Variants in RIMS3 observed in about 807,000 individuals in gnomAD.
RIMS3 encodes the protein regulating synaptic membrane exocytosis 3, also known as regulating synaptic membrane exocytosis protein 3.
Under a neutral mutation model 29.2 loss-of-function variants are expected in RIMS3, and 15 were observed. That is an observed-to-expected ratio of 0.51 (90% CI 0.34 to 0.79). RIMS3 has a LOEUF of 0.79. Ranked by LOEUF, RIMS3 falls within the 30% of genes least tolerant of loss-of-function variation. The probability of loss-of-function intolerance (pLI) is 0.01; values close to 1 mark genes in which losing one functional copy is unlikely to be tolerated. For missense variants in RIMS3, 342 were observed against 421.4 expected (o/e 0.81, Z 1.65); for synonymous variants, 161 against 170.1 (o/e 0.95, Z 0.41).
chr1:40,667,900 G>A (rs951817327), upstream of RIMS3, among the ~76,000 whole-genome samples: 1 of 152,130 alleles, frequency 6.6e-6, no homozygotes, highest in Non-Finnish European at 1.5e-5. Context: ...AGGTTGAGGC[G>A]GGCAGATCAC....
At chr1:40,671,885 CCCAA>C in the RIMS3 span, among the ~76,000 whole-genome samples, 1 of 151,712 alleles carries the variant, frequency 6.6e-6, no homozygotes, top group Non-Finnish European at 1.5e-5. Flanking sequence ...ACCTCAGTCT[CCCAA>C]GTAGCTGTGA....
the RIMS3 span, among the ~76,000 whole-genome samples, chr1:40,677,400 A>T: frequency 6.6e-6 from 1 of 151,884 alleles, no homozygotes; most frequent in Non-Finnish European, 1.5e-5. Context: ...TAAGGCTTAC[A>T]ATCAAGGATC....
the RIMS3 span, among the ~76,000 whole-genome samples, chr1:40,686,529 T>C: frequency 0.79 from 119,478 of 151,998 alleles, 47,597 homozygotes; most frequent in African/African-American, 0.9. Context: ...TGGTCGCTGG[T>C]GCCTGTAGTC....
Position 40,635,890 on chromosome 1 carries a change from G to A in RIMS3, c.359+26C>T. 6.2e-7 allele frequency: 1 copy of A among 1,608,836 alleles called. No individual in the cohort carries two copies. The highest frequency in any genetic ancestry group is 8.5e-7 in the Non-Finnish European group (1 of 1,177,670). ...ACTGGAGGACCGAGGAGGAGGGAGG[G>A]GACCACAGCACGGGGCTGCACGCAC... is the stretch of plus-strand genomic sequence containing the variant. On this transcript the variant is annotated intron_variant, in intron 4 of 7. Transcript: ENST00000372684. The surrounding 1 kb of genome is among the most constrained non-coding windows in gnomAD (Gnocchi z 4.1).
the RIMS3 span, among the ~76,000 whole-genome samples, chr1:40,688,531 T>C: frequency 6.6e-6 from 1 of 152,180 alleles, no homozygotes; most frequent in Non-Finnish European, 1.5e-5. Context: ...TCTAACTGAT[T>C]AGTTACAATG....
At chr1:40,629,007 C>T in intron 6 of RIMS3, 58 bp from the exon 7 acceptor site, 1 of 1,600,910 alleles carries the variant, frequency 6.2e-7, no homozygotes. Flanking sequence ...CTTTGGCCTG[C>T]CCATCCCCTA....
chr1:40,689,946 G>A, the RIMS3 span, among the ~76,000 whole-genome samples: 1 of 152,116 alleles, frequency 6.6e-6, no homozygotes, highest in Non-Finnish European at 1.5e-5. Context: ...TATACCTCCA[G>A]GATCCTAGCT....
intron 7 of RIMS3, among the ~76,000 whole-genome samples, 157 bp from the exon 8 acceptor site, chr1:40,626,886 G>C (rs561560414): frequency 6.6e-6 from 1 of 152,320 alleles, no homozygotes; most frequent in East Asian, 1.9e-4. Flanking sequence ...AGCACTTGAG[G>C]TGTGTTAGAT....
chr1:40,659,969 G>A (rs556367716), intron 1 of RIMS3, among the ~76,000 whole-genome samples: 3 of 152,298 alleles, frequency 2.0e-5, no homozygotes, highest in Non-Finnish European at 2.9e-5. Flanking sequence ...ACAATCCAAC[G>A]TTTATCCTAA....
chr1:40,651,624 T>C (rs768366971), intron 1 of RIMS3, among the ~76,000 whole-genome samples: 6 of 152,184 alleles, frequency 3.9e-5, no homozygotes, highest in Admixed American at 2.0e-4. Flanking sequence ...TGGTTAAAAA[T>C]AGGAACCTTG....
At chr1:40,641,573 C>A in intron 3 of RIMS3, 136 bp downstream of exon 3, 1 of 793,204 alleles carries the variant, frequency 1.3e-6, no homozygotes, top group Admixed American at 2.6e-5. Context: ...CCTAGAACAG[C>A]ACCTGGTGTA....
the RIMS3 span, among the ~76,000 whole-genome samples, chr1:40,674,126 T>C: frequency 6.6e-6 from 1 of 152,218 alleles, no homozygotes; most frequent in South Asian, 2.1e-4. Flanking sequence ...TTTTCCTGCC[T>C]TTATCTTCAT....
At chr1:40,665,890 G>A (rs955711288), upstream of RIMS3, among the ~76,000 whole-genome samples, 7 of 152,134 alleles carry the variant, frequency 4.6e-5, no homozygotes, top group Admixed American at 4.6e-4. Context: ...TCCTCTCCGT[G>A]TCCCTAGGAC....
the RIMS3 span, among the ~76,000 whole-genome samples, chr1:40,689,539 CA>C: frequency 2.0e-5 from 3 of 152,076 alleles, no homozygotes; most frequent in African/African-American, 7.2e-5. Context: ...CTCGGCCTCC[CA>C]AAGTGCTGGG....
chr1:40,676,258 A>G, the RIMS3 span, among the ~76,000 whole-genome samples: 1 of 152,118 alleles, frequency 6.6e-6, no homozygotes, highest in East Asian at 1.9e-4. Context: ...CCTCGGTCTG[A>G]CTAGATTGTC....
chr1:40,653,584 G>A (rs1642227469), intron 1 of RIMS3, among the ~76,000 whole-genome samples: 1 of 152,170 alleles, frequency 6.6e-6, no homozygotes, highest in East Asian at 1.9e-4. Context: ...GGATGCATTG[G>A]GGAGGGTTTG....
intron 1 of RIMS3, among the ~76,000 whole-genome samples, chr1:40,660,667 G>A (rs1231882876): frequency 6.6e-6 from 1 of 151,970 alleles, no homozygotes; most frequent in East Asian, 1.9e-4. Context: ...AGCACTTTGA[G>A]GAGGTGTGAG....
chr1:40,678,651 G>A, the RIMS3 span, among the ~76,000 whole-genome samples: 3 of 152,206 alleles, frequency 2.0e-5, no homozygotes, highest in South Asian at 2.1e-4. Context: ...GCTGGGGACA[G>A]GTGAGGAAGC....
At chr1:40,642,076 G>A in intron 2 of RIMS3, 120 bp from the exon 3 acceptor site, 1 of 632,744 alleles carries the variant, frequency 1.6e-6, no homozygotes, top group South Asian at 1.9e-5. Flanking sequence ...AGGCTATAAG[G>A]TTAAATGCAC....
Sources: gnomAD v4.1 joint callset for allele counts (sites outside exome capture counted in the v4.1 genomes callset) on GRCh38, gnomAD v4.1.1 for gene constraint, Gnocchi (gnomAD v3.1) non-coding constraint, MANE v1.5 for transcripts, NCBI Gene and HGNC (gene_info 2026-07-23, HGNC 2026-07-21) for gene names.